The following SEMA3E variants were observed in gnomAD, a reference collection of about 807,000 sequenced individuals.
SEMA3E encodes semaphorin 3E.
Under a neutral mutation model 93.6 loss-of-function variants are expected in SEMA3E, and 49 were observed. That is an observed-to-expected ratio of 0.52 (90% CI 0.42 to 0.66). The LOEUF (loss-of-function observed/expected upper bound fraction) is 0.66, where lower values mean the gene tolerates loss of function less well. Ranked by LOEUF, SEMA3E falls within the 30% of genes least tolerant of loss-of-function variation. The pLI is 0.00. For missense variants in SEMA3E, 906 were observed against 964.8 expected (o/e 0.94, Z 0.81); for synonymous variants, 363 against 330.7 (o/e 1.10, Z -1.06).
At chr7:83,620,042 A>C (rs1350005884) in intron 1 of SEMA3E, among the ~76,000 whole-genome samples, 1 of 151,932 alleles carries the variant, frequency 6.6e-6, no homozygotes, top group Non-Finnish European at 1.5e-5. Flanking sequence ...TAGTTAAATA[A>C]ATGATCTATT....
At chr7:83,530,311 T>C (rs1380956078) in intron 1 of SEMA3E, among the ~76,000 whole-genome samples, 5 of 152,196 alleles carry the variant, frequency 3.3e-5, no homozygotes. Flanking sequence ...AAATAACCAG[T>C]AGCAGAACAT....
At chr7:83,648,393 T>G (rs1794108161) in intron 1 of SEMA3E, 35 bp downstream of exon 1, 2 of 1,437,030 alleles carry the variant, frequency 1.4e-6, no homozygotes, top group South Asian at 2.4e-5. Flanking sequence ...CTTTTTTTTT[T>G]TTTTTAAACA....
Position 83,559,692 on chromosome 7 carries a change from C to T in SEMA3E, c.116-69418G>A, listed in dbSNP as rs375035302. 8.6e-5 allele frequency among the ~76,000 whole-genome samples: 13 copies of T among 151,998 alleles called. No individual in the cohort carries two copies. In the East Asian group the frequency reaches 9.7e-4, roughly 11 times the overall value. On this transcript the variant is annotated intron_variant, in intron 1 of 16. Coordinates refer to ENST00000643230, the MANE Select transcript of SEMA3E (RefSeq NM_012431.3). ...CTTACAAAACTAAACACATTCTTAC[C>T]GTACAATCCAGCAATTGCACTCCTT...
At position 83,377,690 on chromosome 7, in the gene SEMA3E, G is replaced by A. The variant is rs1454484361; in HGVS notation, c.1875+7604C>T. ...TGTATGAAATTGAAGTGAGGAATTA[G>A]GTACTAATCTTCTGAGCAGCTTGAA... is the stretch of plus-strand genomic sequence containing the variant. On this transcript the variant is annotated intron_variant, in intron 16 of 16. Transcript: ENST00000643230. 2.0e-5 allele frequency among the ~76,000 whole-genome samples: 3 copies of A among 151,934 alleles called. No individual in the cohort carries two copies. The East Asian group carries it at 5.8e-4, about 29-fold the overall frequency.
intron 1 of SEMA3E, among the ~76,000 whole-genome samples, chr7:83,621,162 T>G (rs974956393): frequency 6.6e-6 from 1 of 152,092 alleles, no homozygotes; most frequent in Non-Finnish European, 1.5e-5. Flanking sequence ...GGATACAAAA[T>G]TAATATGCAA....
intron 16 of SEMA3E, among the ~76,000 whole-genome samples, chr7:83,383,338 T>C (rs892189199): frequency 2.1e-4 from 31 of 148,548 alleles, no homozygotes; most frequent in Middle Eastern, 3.5e-3. Flanking sequence ...AAAGTAATTA[T>C]GTTTCACAAA....
chr7:83,435,691 C>G (rs771456739), intron 4 of SEMA3E, among the ~76,000 whole-genome samples: 58 of 151,990 alleles, frequency 3.8e-4, no homozygotes, highest in Admixed American at 9.8e-4. Context: ...TACACCAAAC[C>G]TCACCTGTAT....
At chr7:83,401,558 T>C (rs961508962) in intron 10 of SEMA3E, among the ~76,000 whole-genome samples, 15 of 151,684 alleles carry the variant, frequency 9.9e-5, no homozygotes, top group African/African-American at 3.6e-4. Context: ...GCCACAGGAG[T>C]AGGGTTTCTC....
At chr7:83,445,124 C>A (rs1554326330) in intron 4 of SEMA3E, among the ~76,000 whole-genome samples, 1 of 152,144 alleles carries the variant, frequency 6.6e-6, no homozygotes, top group African/African-American at 2.4e-5. Flanking sequence ...CTGTAGGTAA[C>A]AATAACCAGT....
intron 1 of SEMA3E, among the ~76,000 whole-genome samples, chr7:83,639,162 ATT>A (rs1793947482): frequency 6.8e-5 from 10 of 146,444 alleles, no homozygotes; most frequent in Non-Finnish European, 3.0e-5. Flanking sequence ...GAGCCTCAGA[ATT>A]ATTGATTCAG....
chr7:83,386,383 A>G (rs1474102988), intron 15 of SEMA3E, among the ~76,000 whole-genome samples: 6 of 152,132 alleles, frequency 3.9e-5, no homozygotes, highest in African/African-American at 1.2e-4. Context: ...AGTCACTACC[A>G]TAATAGAAAG....
intron 4 of SEMA3E, among the ~76,000 whole-genome samples, chr7:83,426,929 T>C (rs1045918546): frequency 2.0e-5 from 3 of 152,158 alleles, no homozygotes; most frequent in Non-Finnish European, 4.4e-5. Context: ...CATTATTGTA[T>C]TAATCTATAC....
In SEMA3E at chr7:83,390,194, T is replaced by C. The variant is rs1485200716; in HGVS notation, c.1667+2361A>G. Among the ~76,000 whole-genome samples the C allele has an allele frequency of 2.6e-4, 5 of 19,124 alleles. 2 individuals carry two copies. The highest frequency in any genetic ancestry group is 3.8e-4 in the Non-Finnish European group (3 of 7,808). The allele number at this position is 19,124 out of a possible 152,430, so 12.5% of individuals were successfully genotyped here. On this transcript the variant is annotated intron_variant, in intron 14 of 16. Transcript: ENST00000643230. The stretch of plus-strand genomic sequence containing the variant: ...GTATACGTGTGCACATATATGCGCG[T>C]ATACGTGTGCACATATATGCGCGTA...
chr7:83,535,048 T>C (rs1791386388), intron 1 of SEMA3E, among the ~76,000 whole-genome samples: 1 of 152,196 alleles, frequency 6.6e-6, no homozygotes, highest in African/African-American at 2.4e-5. Context: ...AAAATTGTTT[T>C]GTTTCTTGTG....
chr7:83,423,729 T>C (rs1456506465), intron 4 of SEMA3E, among the ~76,000 whole-genome samples: 1 of 151,164 alleles, frequency 6.6e-6, no homozygotes, highest in Non-Finnish European at 1.5e-5. Flanking sequence ...GCCAGGATGG[T>C]CCCGATCTCC....
At chr7:83,442,120 A>G (rs1181216263) in intron 4 of SEMA3E, among the ~76,000 whole-genome samples, 1 of 152,246 alleles carries the variant, frequency 6.6e-6, no homozygotes, top group East Asian at 1.9e-4. Flanking sequence ...ATTTGGAGAT[A>G]ACCACTATTG....
intron 1 of SEMA3E, among the ~76,000 whole-genome samples, chr7:83,632,147 C>T (rs1186910711): frequency 6.7e-6 from 1 of 148,174 alleles, no homozygotes; most frequent in African/African-American, 2.5e-5. Flanking sequence ...AAAGGTGGAA[C>T]TCCATCTCAA....
At chr7:83,475,769 C>G (rs563468673) in intron 2 of SEMA3E, among the ~76,000 whole-genome samples, 3 of 152,294 alleles carry the variant, frequency 2.0e-5, no homozygotes, top group African/African-American at 7.2e-5. Flanking sequence ...TCAGACCCTT[C>G]ACAGTTTTTG....
intron 9 of SEMA3E, 117 bp from the exon 10 acceptor site, chr7:83,402,893 T>A: frequency 1.1e-6 from 1 of 950,978 alleles, no homozygotes; most frequent in Non-Finnish European, 1.6e-6. Flanking sequence ...TTGCAATTTC[T>A]TTAAGCAAAG....
Sources: gnomAD v4.1 joint callset for allele counts (sites outside exome capture counted in the v4.1 genomes callset) on GRCh38, gnomAD v4.1.1 for gene constraint, MANE v1.5 for transcripts, NCBI Gene and HGNC (gene_info 2026-07-23, HGNC 2026-07-21) for gene names.